The following CPNE8 variants were observed in gnomAD, a reference collection of about 807,000 sequenced individuals.
CPNE8 encodes the protein copine 8.
In CPNE8, 45 loss-of-function variants were observed where a neutral mutation model predicts 81.5. That is an observed-to-expected ratio of 0.55 (90% CI 0.44 to 0.71). The LOEUF is 0.71. Ranked by LOEUF, CPNE8 falls within the 30% of genes least tolerant of loss-of-function variation. The probability of loss-of-function intolerance (pLI) is 0.00; values close to 1 mark genes in which losing one functional copy is unlikely to be tolerated. For missense variants in CPNE8, 594 were observed against 672.1 expected (o/e 0.88, Z 1.28); for synonymous variants, 252 against 226.3 (o/e 1.11, Z -1.02).
At chr12:38,898,207 C>T (rs753360902) in intron 1 of CPNE8, among the ~76,000 whole-genome samples, 5 of 152,094 alleles carry the variant, frequency 3.3e-5, no homozygotes, top group Admixed American at 6.6e-5. Flanking sequence ...TAGCATTCTC[C>T]ACATACCAGG....
intron 1 of CPNE8, among the ~76,000 whole-genome samples, chr12:38,887,493 T>C (rs967192506): frequency 6.6e-6 from 1 of 152,162 alleles, no homozygotes; most frequent in African/African-American, 2.4e-5. Flanking sequence ...TTGGGGTGAT[T>C]TGTACTTTCT....
At chr12:38,856,919 T>C (rs1435652711) in intron 3 of CPNE8, among the ~76,000 whole-genome samples, 1 of 152,102 alleles carries the variant, frequency 6.6e-6, no homozygotes, top group African/African-American at 2.4e-5. Context: ...AGGAAAATTG[T>C]GACTGCATGA....
intron 7 of CPNE8, among the ~76,000 whole-genome samples, chr12:38,771,633 T>G (rs1313967842): frequency 1.3e-5 from 2 of 152,198 alleles, no homozygotes; most frequent in Non-Finnish European, 2.9e-5. Context: ...TTGTATAAAT[T>G]TATGACCTAT....
intron 13 of CPNE8, among the ~76,000 whole-genome samples, chr12:38,711,530 G>A (rs750879835): frequency 3.3e-5 from 5 of 150,328 alleles, no homozygotes; most frequent in African/African-American, 4.9e-5. Flanking sequence ...GTGTAGTGGC[G>A]CAATCTCGGC....
intron 3 of CPNE8, among the ~76,000 whole-genome samples, chr12:38,858,972 G>C (rs565840878): frequency 6.6e-6 from 1 of 152,052 alleles, no homozygotes; most frequent in African/African-American, 2.4e-5. Flanking sequence ...AACCATATAC[G>C]TAAAGCCTAC....
intron 6 of CPNE8, among the ~76,000 whole-genome samples, chr12:38,806,289 A>G (rs1460358726): frequency 6.7e-6 from 1 of 150,250 alleles, no homozygotes; most frequent in Non-Finnish European, 1.5e-5. Flanking sequence ...AGCCAGGCAG[A>G]GACACACCAA....
chr12:38,794,419 T>A (rs1405032558), intron 6 of CPNE8, among the ~76,000 whole-genome samples: 1 of 152,094 alleles, frequency 6.6e-6, no homozygotes, highest in Non-Finnish European at 1.5e-5. Flanking sequence ...AATAAGTATA[T>A]ATCCAATAGA....
At chr12:38,666,984 C>T (rs1196558935) in intron 19 of CPNE8, among the ~76,000 whole-genome samples, 1 of 152,090 alleles carries the variant, frequency 6.6e-6, no homozygotes, top group Non-Finnish European at 1.5e-5. Flanking sequence ...ACATGAAACA[C>T]TTAATAAAGG....
chr12:38,674,384 C>T (rs1297424302), intron 18 of CPNE8, among the ~76,000 whole-genome samples: 1 of 152,112 alleles, frequency 6.6e-6, no homozygotes, highest in African/African-American at 2.4e-5. Flanking sequence ...ATGAAAGATA[C>T]ATCCTTCAAA....
intron 14 of CPNE8, among the ~76,000 whole-genome samples, chr12:38,694,498 G>A (rs1046719722): frequency 1.7e-4 from 26 of 152,124 alleles, no homozygotes; most frequent in Non-Finnish European, 3.4e-4. Flanking sequence ...GAGATTACAC[G>A]TTTAAAAGTG....
chr12:38,815,949 C>A (rs1445926103), intron 6 of CPNE8, among the ~76,000 whole-genome samples: 3 of 152,036 alleles, frequency 2.0e-5, no homozygotes, highest in Admixed American at 6.6e-5. Flanking sequence ...GTAGCATATT[C>A]CTAGCTCTTA....
chr12:38,668,687 T>A (rs2136641727), intron 19 of CPNE8, among the ~76,000 whole-genome samples: 1 of 152,236 alleles, frequency 6.6e-6, no homozygotes, highest in Middle Eastern at 3.4e-3. Flanking sequence ...TTAAATAAAG[T>A]GTAATTACTT....
At chr12:38,825,513 C>T (rs908546985) in intron 6 of CPNE8, among the ~76,000 whole-genome samples, 2 of 152,208 alleles carry the variant, frequency 1.3e-5, no homozygotes, top group African/African-American at 4.8e-5. Flanking sequence ...ATGAAAACAG[C>T]ATTTTGCTCT....
Position 38,716,518 on chromosome 12 carries a change from C to T in CPNE8, c.914+7254G>A, listed in dbSNP as rs367939505. The stretch of plus-strand genomic sequence containing the variant: ...AATAGAACTAACTGATCTTTGAGAG[C>T]GCATAAAAATAAAAACTGGGGAAAG... On this transcript the variant is annotated intron_variant, in intron 13 of 19. Transcript: ENST00000331366. 9.5e-4 allele frequency among the ~76,000 whole-genome samples: 144 copies of T among 151,584 alleles called. No individual in the cohort carries two copies. The East Asian group carries it at 9.5e-3, about 10-fold the overall frequency.
At chr12:38,810,074 T>C (rs894165752) in intron 6 of CPNE8, among the ~76,000 whole-genome samples, 1 of 152,168 alleles carries the variant, frequency 6.6e-6, no homozygotes, top group African/African-American at 2.4e-5. Flanking sequence ...AATTGAGTAG[T>C]TTTATCAGCC....
At chr12:38,689,709 C>A (rs548513411) in intron 15 of CPNE8, among the ~76,000 whole-genome samples, 39 of 152,176 alleles carry the variant, frequency 2.6e-4, no homozygotes, top group Non-Finnish European at 4.6e-4. Flanking sequence ...TTAGGTATTT[C>A]CCAGGAGAAA....
intron 15 of CPNE8, among the ~76,000 whole-genome samples, chr12:38,692,757 G>A (rs1939705976): frequency 6.6e-6 from 1 of 152,108 alleles, no homozygotes; most frequent in Non-Finnish European, 1.5e-5. Flanking sequence ...AAAAATGATG[G>A]TACATTACAG....
chr12:38,706,628 C>T (rs1158146520), intron 13 of CPNE8, among the ~76,000 whole-genome samples: 1 of 152,020 alleles, frequency 6.6e-6, no homozygotes, highest in Non-Finnish European at 1.5e-5. Context: ...TAACTTTGAG[C>T]TTTAAGAATA....
intron 16 of CPNE8, among the ~76,000 whole-genome samples, chr12:38,684,711 G>A (rs972446862): frequency 3.3e-5 from 5 of 152,116 alleles, no homozygotes; most frequent in African/African-American, 9.7e-5. Context: ...CATTGCCTTT[G>A]TACTTGATAA....
Sources: gnomAD v4.1 joint callset for allele counts (sites outside exome capture counted in the v4.1 genomes callset) on GRCh38, gnomAD v4.1.1 for gene constraint, MANE v1.5 for transcripts, NCBI Gene and HGNC (gene_info 2026-07-23, HGNC 2026-07-21) for gene names.